Variants in MINDY2 observed in about 807,000 individuals in gnomAD.
MINDY2 encodes MINDY lysine 48 deubiquitinase 2.
A neutral mutation model predicts 68.2 loss-of-function variants in MINDY2; 52 were observed. That is an observed-to-expected ratio of 0.76 (90% CI 0.61 to 0.96). The LOEUF (loss-of-function observed/expected upper bound fraction) is 0.96. Ranked by LOEUF, MINDY2 falls within the 40% of genes least tolerant of loss-of-function variation. The pLI is 0.00. For missense variants in MINDY2, 881 were observed against 773.4 expected (o/e 1.14, Z -1.65); for synonymous variants, 372 against 303.0 (o/e 1.23, Z -2.36).
Position 58,857,585 on chromosome 15 carries a change from A to G in MINDY2, c.*2975A>G, listed in dbSNP as rs796817376. The G allele has an allele frequency of 3.3e-5, 5 of 150,410 alleles. No homozygotes were observed. Among genetic ancestry groups the G allele is most frequent in the African/African-American group, 1.2e-4 (5 of 41,158 alleles). 9.3% of individuals were successfully genotyped at this position (150,410 alleles called of 1,614,324 possible). ...AGCTATTGTGTCTTTATTTTCTTAA[A>G]TTTTGCCCAAGGTAACGTTATATAT... On this transcript the variant is annotated 3_prime_UTR_variant, in exon 9 of 9. Coordinates refer to ENST00000559228, the MANE Select transcript of MINDY2 (RefSeq NM_001040450.3).
At chr15:58,775,208 T>A (rs1455025002) in intron 1 of MINDY2, among the ~76,000 whole-genome samples, 4 of 152,208 alleles carry the variant, frequency 2.6e-5, no homozygotes, top group African/African-American at 9.7e-5. Flanking sequence ...GTACTTTGTG[T>A]TTTAAATTTT....
At chr15:58,836,233 A>G (rs2141030446) in intron 6 of MINDY2, among the ~76,000 whole-genome samples, 1 of 150,178 alleles carries the variant, frequency 6.7e-6, no homozygotes, top group South Asian at 2.1e-4. Context: ...AATTAACTAT[A>G]ATTCTTTTTT....
chr15:58,774,248 C>T (rs1191033526), intron 1 of MINDY2, among the ~76,000 whole-genome samples: 1 of 152,044 alleles, frequency 6.6e-6, no homozygotes, highest in African/African-American at 2.4e-5. Context: ...TTCGGGAGGC[C>T]GAGGCGGGTG....
chr15:58,809,172 A>G (rs373474712), intron 3 of MINDY2, among the ~76,000 whole-genome samples: 24 of 152,264 alleles, frequency 1.6e-4, no homozygotes, highest in East Asian at 1.2e-3. Context: ...TGATCATACC[A>G]CTGCACTCTA....
At chr15:58,798,891 AAGTTAAC>A (rs1233442190) in intron 2 of MINDY2, among the ~76,000 whole-genome samples, 1 of 152,202 alleles carries the variant, frequency 6.6e-6, no homozygotes, top group Non-Finnish European at 1.5e-5. Flanking sequence ...GAGTAATAAA[AAGTTAAC>A]ACATCTTGGT....
chr15:58,823,393 G>T (rs966706557), intron 5 of MINDY2, among the ~76,000 whole-genome samples: 3 of 152,196 alleles, frequency 2.0e-5, no homozygotes, highest in Admixed American at 2.0e-4. Flanking sequence ...ACAGGGACAG[G>T]CTGGACATTG....
chr15:58,840,632 T>C (rs1322285056), intron 6 of MINDY2, among the ~76,000 whole-genome samples: 1 of 38,078 alleles, frequency 2.6e-5, no homozygotes, highest in African/African-American at 1.4e-4. Flanking sequence ...TATTTACTTA[T>C]TATTATTATT....
At chr15:58,774,231 C>T (rs778538364) in intron 1 of MINDY2, among the ~76,000 whole-genome samples, 1 of 152,056 alleles carries the variant, frequency 6.6e-6, no homozygotes, top group Non-Finnish European at 1.5e-5. Context: ...GCCTGTATTC[C>T]CAGCATTTCG....
intron 6 of MINDY2, among the ~76,000 whole-genome samples, chr15:58,846,603 A>G (rs2032549976): frequency 6.6e-6 from 1 of 152,006 alleles, no homozygotes; most frequent in Non-Finnish European, 1.5e-5. Flanking sequence ...CTCAAAAAAA[A>G]AAAAAAAAAA....
intron 2 of MINDY2, among the ~76,000 whole-genome samples, chr15:58,794,078 T>C (rs1902113049): frequency 6.6e-6 from 1 of 151,986 alleles, no homozygotes; most frequent in Non-Finnish European, 1.5e-5. Context: ...GGTATGTTGC[T>C]CTACATGTTG....
chr15:58,829,319 A>T (rs2031590947), intron 5 of MINDY2, among the ~76,000 whole-genome samples: 1 of 152,206 alleles, frequency 6.6e-6, no homozygotes, highest in Non-Finnish European at 1.5e-5. Context: ...TTTGGGAGAG[A>T]TATAATTCAA....
intron 6 of MINDY2, among the ~76,000 whole-genome samples, chr15:58,832,781 C>G (rs1011739883): frequency 1.3e-5 from 2 of 152,198 alleles, no homozygotes; most frequent in Admixed American, 6.5e-5. Flanking sequence ...CCGCCTCAGC[C>G]TCCCAAAGTG....
intron 6 of MINDY2, among the ~76,000 whole-genome samples, chr15:58,832,252 AT>A (rs1223469079): frequency 6.7e-6 from 1 of 148,758 alleles, no homozygotes; most frequent in African/African-American, 2.5e-5. Flanking sequence ...TTGAAATGGA[AT>A]TTCGCTCTTG....
At chr15:58,843,178 C>T (rs1009756796) in intron 6 of MINDY2, among the ~76,000 whole-genome samples, 3 of 152,086 alleles carry the variant, frequency 2.0e-5, no homozygotes, top group Non-Finnish European at 4.4e-5. Flanking sequence ...GAGACAGAGT[C>T]TCGCTCTGTC....
At chr15:58,788,529 T>C (rs1901658797) in intron 2 of MINDY2, among the ~76,000 whole-genome samples, 1 of 152,210 alleles carries the variant, frequency 6.6e-6, no homozygotes, top group Non-Finnish European at 1.5e-5. Flanking sequence ...TTCTCTAAGC[T>C]TCTTATTTCA....
chr15:58,847,552 C>A, intron 7 of MINDY2, 82 bp downstream of exon 7: 1 of 1,212,246 alleles, frequency 8.2e-7, no homozygotes, highest in South Asian at 2.0e-5. Context: ...AATTTTTCAA[C>A]TAAAGATTAA....
chr15:58,828,469 C>G (rs2031533234), intron 5 of MINDY2, among the ~76,000 whole-genome samples: 1 of 151,996 alleles, frequency 6.6e-6, no homozygotes, highest in African/African-American at 2.4e-5. Flanking sequence ...AATTATAGTA[C>G]CTCTGTAACT....
chr15:58,781,343 C>T (rs1437533561), intron 1 of MINDY2, among the ~76,000 whole-genome samples: 1 of 152,054 alleles, frequency 6.6e-6, no homozygotes, highest in African/African-American at 2.4e-5. Context: ...TGAGCCACCG[C>T]ACCCAGCCTA....
chr15:58,793,018 TAA>T (rs1902044361), intron 2 of MINDY2, among the ~76,000 whole-genome samples: 1 of 151,908 alleles, frequency 6.6e-6, no homozygotes, highest in South Asian at 2.1e-4. Context: ...AATGAAAGTT[TAA>T]AAAAACCAGA....
Sources: allele counts gnomAD v4.1 joint callset (sites outside exome capture counted in the v4.1 genomes callset), GRCh38; gene constraint gnomAD v4.1.1; transcripts MANE v1.5; gene names NCBI Gene and HGNC (gene_info 2026-07-23, HGNC 2026-07-21).